Variants in UNC13C observed in about 807,000 individuals in gnomAD.
The protein encoded by UNC13C is protein unc-13 homolog C.
Under a neutral mutation model 245.4 loss-of-function variants are expected in UNC13C, and 174 were observed. That is an observed-to-expected ratio of 0.71 (90% confidence interval 0.63 to 0.80). UNC13C has a LOEUF of 0.80. Ranked by LOEUF, UNC13C falls within the 30% of genes least tolerant of loss-of-function variation. The pLI is 0.00. For missense variants in UNC13C, 2,829 were observed against 2,602.9 expected (o/e 1.09, Z -1.89); for synonymous variants, 992 against 895.1 (o/e 1.11, Z -1.93).
In UNC13C at chr15:54,249,880, A is replaced by G. The variant is rs997194502; in HGVS notation, c.3229-345A>G. ...TCAGGAAATAACGGCCTGGGTAGAA[A>G]GTAAAAGAGGCGTTGGGTTTACAGC... is the stretch of plus-strand genomic sequence containing the variant. On this transcript the variant is annotated intron_variant, in intron 7 of 32. Coordinates refer to ENST00000260323, the MANE Select transcript of UNC13C (RefSeq NM_001080534.3). Among the ~76,000 whole-genome samples, 3 of 152,178 alleles carry G rather than the reference A, an allele frequency of 2.0e-5. No homozygotes were observed. The South Asian group carries it at 6.2e-4, about 32-fold the overall frequency.
chr15:54,320,525 T>A (rs1479426599), intron 13 of UNC13C, among the ~76,000 whole-genome samples: 2 of 151,998 alleles, frequency 1.3e-5, no homozygotes, highest in Non-Finnish European at 2.9e-5. Flanking sequence ...TAAAATAACG[T>A]GTTATACAAT....
intron 32 of UNC13C, 124 bp downstream of exon 32, chr15:54,624,078 C>A: frequency 8.3e-7 from 1 of 1,202,538 alleles, no homozygotes; most frequent in Non-Finnish European, 1.2e-6. Flanking sequence ...TAGTTCCCTT[C>A]CATTCATTCA....
In UNC13C at chr15:54,542,072, C is replaced by G. The variant is rs1490111068; in HGVS notation, c.5697-4650C>G. ...GGTGAAAAATATGGGTTCCGTTGTC[C>G]TTTTCTCAACTGTCATGCCAAACCT... On this transcript the variant is annotated intron_variant, in intron 26 of 32. Transcript: ENST00000260323. 2.0e-5 allele frequency among the ~76,000 whole-genome samples: 3 copies of G among 152,102 alleles called. No homozygotes were observed. In the East Asian group the frequency reaches 5.8e-4, roughly 29 times the overall value.
chr15:53,858,688 G>T, the UNC13C span, among the ~76,000 whole-genome samples: 1 of 152,016 alleles, frequency 6.6e-6, no homozygotes, highest in African/African-American at 2.4e-5. Flanking sequence ...CAAAGTGCTG[G>T]GATTACAGGC....
At chr15:54,425,145 AAC>A (rs2040733796) in intron 19 of UNC13C, among the ~76,000 whole-genome samples, 1 of 151,856 alleles carries the variant, frequency 6.6e-6, no homozygotes, top group Non-Finnish European at 1.5e-5. Flanking sequence ...TACATGAATA[AAC>A]AAATTATTTG....
At chr15:54,533,855 A>G (rs1043433740) in intron 26 of UNC13C, among the ~76,000 whole-genome samples, 2 of 152,164 alleles carry the variant, frequency 1.3e-5, no homozygotes, top group East Asian at 3.9e-4. Context: ...GCAACCAGAA[A>G]CATGATTTCG....
chr15:53,860,057 A>C, the UNC13C span, among the ~76,000 whole-genome samples: 1 of 152,192 alleles, frequency 6.6e-6, no homozygotes, highest in Non-Finnish European at 1.5e-5. Context: ...AGTTCTGCTA[A>C]TTATAGCAGC....
chr15:53,943,814 G>A, the UNC13C span, among the ~76,000 whole-genome samples: 1 of 152,022 alleles, frequency 6.6e-6, no homozygotes, highest in Admixed American at 6.6e-5. Context: ...GTACGTGTAG[G>A]ATTGCTATAT....
intron 2 of UNC13C, among the ~76,000 whole-genome samples, chr15:54,096,499 A>G (rs1010343842): frequency 4.6e-5 from 7 of 152,114 alleles, no homozygotes; most frequent in African/African-American, 1.7e-4. Flanking sequence ...GTCTGTATTT[A>G]CTGTCTCTAA....
intron 12 of UNC13C, among the ~76,000 whole-genome samples, chr15:54,298,215 A>C (rs183587162): frequency 6.6e-6 from 1 of 152,332 alleles, no homozygotes. Context: ...GTTCTTCCAA[A>C]GAGGAAGAAG....
the UNC13C span, among the ~76,000 whole-genome samples, chr15:53,896,920 T>A: frequency 6.6e-6 from 1 of 152,194 alleles, no homozygotes; most frequent in African/African-American, 2.4e-5. Context: ...ACCTACCTCC[T>A]AACTTTTTCT....
chr15:54,347,844 A>G (rs755428573), intron 17 of UNC13C, among the ~76,000 whole-genome samples: 1 of 152,120 alleles, frequency 6.6e-6, no homozygotes, highest in African/African-American at 2.4e-5. Flanking sequence ...TCTTATCTCA[A>G]AGGAAATCTC....
chr15:54,096,950 C>G (rs1006620225), intron 2 of UNC13C, among the ~76,000 whole-genome samples: 1 of 152,158 alleles, frequency 6.6e-6, no homozygotes, highest in African/African-American at 2.4e-5. Flanking sequence ...AAACTTTTGT[C>G]TATACTATTT....
chr15:54,473,208 A>C (rs1892552960), intron 19 of UNC13C, among the ~76,000 whole-genome samples: 1 of 132,222 alleles, frequency 7.6e-6, no homozygotes. Flanking sequence ...TTGATTATTT[A>C]TTTTATTTTA....
At chr15:54,195,916 A>G (rs918131013) in intron 4 of UNC13C, among the ~76,000 whole-genome samples, 3 of 152,074 alleles carry the variant, frequency 2.0e-5, no homozygotes, top group African/African-American at 4.8e-5. Flanking sequence ...AGCTTACTTT[A>G]CCACAACTGT....
At chr15:54,469,359 T>G (rs1046408401) in intron 19 of UNC13C, among the ~76,000 whole-genome samples, 3 of 151,540 alleles carry the variant, frequency 2.0e-5, no homozygotes, top group African/African-American at 7.2e-5. Context: ...TTATATAAAA[T>G]CATGCCATCA....
chr15:54,070,638 T>G (rs1267440860), intron 2 of UNC13C, among the ~76,000 whole-genome samples: 1 of 152,166 alleles, frequency 6.6e-6, no homozygotes, highest in East Asian at 1.9e-4. Flanking sequence ...ATCAAATTTT[T>G]CAGGATACTT....
At chr15:54,041,167 T>C (rs1166870256) in intron 2 of UNC13C, among the ~76,000 whole-genome samples, 5 of 152,234 alleles carry the variant, frequency 3.3e-5, no homozygotes, top group Non-Finnish European at 5.9e-5. Context: ...TTTTAAAATA[T>C]AAGATGGTAG....
In UNC13C at chr15:54,450,739, C is replaced by T. The variant is rs548976751; in HGVS notation, c.4933+35672C>T. ...CTTCCCGGTTGAGGTGATGCCTTGC[C>T]CTGCTTCAGCTCACGCTCGGTGCAC... On this transcript the variant is annotated intron_variant, in intron 19 of 32. Transcript: ENST00000260323. 5.8e-4 allele frequency among the ~76,000 whole-genome samples: 88 copies of T among 152,298 alleles called. 1 individual carries two copies. The highest frequency in any genetic ancestry group is 2.1e-3 in the African/African-American group (88 of 41,564).
Sources: allele counts gnomAD v4.1 joint callset (sites outside exome capture counted in the v4.1 genomes callset), GRCh38; gene constraint gnomAD v4.1.1; transcripts MANE v1.5; gene names NCBI Gene and HGNC (gene_info 2026-07-23, HGNC 2026-07-21).